The following FKBP11 variants were observed in gnomAD, a reference collection of about 807,000 sequenced individuals.
FKBP11 encodes the protein FKBP prolyl isomerase 11, also known as peptidyl-prolyl cis-trans isomerase FKBP11.
FKBP11 carries 21 observed loss-of-function variants against 24.7 expected under a neutral mutation model. That is an observed-to-expected ratio of 0.85 (90% CI 0.60 to 1.23). The LOEUF (loss-of-function observed/expected upper bound fraction) is 1.23. Ranked by LOEUF, FKBP11 falls within the 50% of genes most tolerant of loss-of-function variation. The pLI is 0.00. For missense variants in FKBP11, 245 were observed against 248.7 expected (o/e 0.99, Z 0.10); for synonymous variants, 106 against 100.6 (o/e 1.05, Z -0.32).
At chr12:48,922,594 A>C in intron 5 of FKBP11, 2 of 998,392 alleles carry the variant, frequency 2.0e-6, no homozygotes, top group South Asian at 8.9e-5. Context: ...TTTAAACTAG[A>C]CTTTAAAAAA....
rs2293448 is a variant in FKBP11, at chr12:48,924,069, T to C, written c.317+154A>G. On this transcript the variant is annotated intron_variant, in intron 4 of 5. Transcript: ENST00000550765. Reference sequence around the variant, plus strand: ...CAACAGCGCAAGAGGCACAGAGGCTTTGAATGCCCTCAGAGGTCCCACTGA... The same window carrying C: ...CAACAGCGCAAGAGGCACAGAGGCTCTGAATGCCCTCAGAGGTCCCACTGA... The C allele has an allele frequency of 6.2e-4, 590 of 951,826 alleles. 5 individuals carry two copies. In the East Asian group the frequency reaches 0.012, roughly 19 times the overall value. 59.0% of individuals were successfully genotyped at this position (951,826 alleles called of 1,614,324 possible).
At position 48,921,999 on chromosome 12, in the gene FKBP11, CTT is replaced by C. The variant is rs746621801; in HGVS notation, c.589_590del (p.Lys197GlufsTer11). The C allele has an allele frequency of 4.4e-6, 7 of 1,596,232 alleles. No individual in the cohort carries two copies. The Admixed American group carries it at 8.7e-5, about 20-fold the overall frequency. On this transcript the variant is annotated frameshift_variant, in exon 6 of 6. Transcript: ENST00000550765. LOFTEE classifies it high-confidence loss of function. ...KKKLKEEKRN[K>X]SKKK ...TTATTATTTATTATTTCTTTTTGCT[CTT>C]GTTTCGTTTCTCTTCCTTGAGCTTC...
chr12:48,923,237 G>T, intron 5 of FKBP11: 3 of 1,321,118 alleles, frequency 2.3e-6, no homozygotes, highest in Non-Finnish European at 9.7e-7. Context: ...GAAAGCAAAA[G>T]ATATGCATCT....
upstream of FKBP11, among the ~76,000 whole-genome samples, chr12:48,926,926 C>T (rs949570176): frequency 2.0e-5 from 3 of 152,144 alleles, no homozygotes; most frequent in Admixed American, 1.3e-4. Flanking sequence ...TCTTTTCTCT[C>T]AGCCTCCCGA....
chr12:48,936,912 A>G, the FKBP11 span: 2 of 152,242 alleles, frequency 1.3e-5, no homozygotes, highest in African/African-American at 2.4e-5. Context: ...GAGGAAACAG[A>G]GCAAATAAAA....
At chr12:48,929,888 G>A (rs1034746241), upstream of FKBP11, among the ~76,000 whole-genome samples, 2 of 152,196 alleles carry the variant, frequency 1.3e-5, no homozygotes, top group East Asian at 1.9e-4. Flanking sequence ...TCCAGGCTAA[G>A]CTCAAATATC....
chr12:48,935,415 G>A, the FKBP11 span, among the ~76,000 whole-genome samples: 1 of 152,116 alleles, frequency 6.6e-6, no homozygotes, highest in Non-Finnish European at 1.5e-5. Flanking sequence ...GAAGACCTCT[G>A]TCCTCAAAGC....
chr12:48,924,675 A>G, intron 2 of FKBP11, 27 bp from the exon 3 acceptor site: 1 of 1,605,180 alleles, frequency 6.2e-7, no homozygotes, highest in Non-Finnish European at 8.5e-7. Flanking sequence ...TCAAGAGCAT[A>G]CATCTAGCAC....
rs1380419118 is a variant in FKBP11, at chr12:48,924,627, T to C, written c.217A>G (p.Ile73Val). ...HYTGSLVDGRIIDTSLTRDPL... is the reference protein window; with the variant it reads ...HYTGSLVDGRVIDTSLTRDPL... Reference sequence around the variant, plus strand: ...TCTCTGGTCAGGGAGGTGTCAATAATACGTCCATCTACCAAGCTTCCCTGG... The same window carrying C: ...TCTCTGGTCAGGGAGGTGTCAATAACACGTCCATCTACCAAGCTTCCCTGG... The change falls in exon 3 of 6, where the codon ATT becomes GTT. Residue 73 changes from isoleucine (I) to valine (V), a missense_variant. Transcript: ENST00000550765. 6.2e-7 allele frequency: 1 copy of C among 1,613,986 alleles called. No homozygotes were observed. The highest frequency in any genetic ancestry group is 1.7e-5 in the Admixed American group (1 of 60,004).
At chr12:48,930,832 T>G (rs1210943081), upstream of FKBP11, among the ~76,000 whole-genome samples, 1 of 151,990 alleles carries the variant, frequency 6.6e-6, no homozygotes, top group Non-Finnish European at 1.5e-5. Flanking sequence ...GAGAGGGAAT[T>G]AAGGGCTAGT....
intron 5 of FKBP11, 100 bp from the exon 6 acceptor site, chr12:48,922,301 C>T (rs1332547545): frequency 1.1e-5 from 12 of 1,089,712 alleles, no homozygotes; most frequent in Non-Finnish European, 1.0e-5. Flanking sequence ...GCAAAGCCAA[C>T]AACTATGAAG....
the FKBP11 span, among the ~76,000 whole-genome samples, chr12:48,932,254 TATATA>T: frequency 9.6e-4 from 35 of 36,546 alleles, no homozygotes; most frequent in African/African-American, 3.5e-3. Context: ...TATATATATA[TATATA>T]TATTTTTTTT....
At chr12:48,923,498 T>G in intron 5 of FKBP11, 1 of 1,550,470 alleles carries the variant, frequency 6.4e-7, no homozygotes, top group Admixed American at 2.0e-5. Context: ...CTGGGAAAGG[T>G]GGTGGCACAG....
the FKBP11 span, chr12:48,938,357 G>C: frequency 1.6e-4 from 71 of 454,306 alleles, no homozygotes; most frequent in African/African-American, 1.2e-3. Context: ...CACCAACACG[G>C]AAGGGGCAGA....
chr12:48,938,577 T>C, the FKBP11 span: 4 of 460,636 alleles, frequency 8.7e-6, no homozygotes, highest in African/African-American at 2.0e-5. Context: ...GAAGGGCTTG[T>C]GGGGACAGGG....
upstream of FKBP11, among the ~76,000 whole-genome samples, chr12:48,930,078 A>G (rs1940028862): frequency 6.6e-6 from 1 of 152,280 alleles, no homozygotes; most frequent in East Asian, 1.9e-4. Context: ...TCTGGAGCTA[A>G]GTACTAGCTA....
chr12:48,938,263 C>A, the FKBP11 span: 3 of 387,592 alleles, frequency 7.7e-6, no homozygotes, highest in Admixed American at 3.0e-5. Flanking sequence ...TCCAGAAAAA[C>A]CTACCTGCAG....
chr12:48,931,205 A>C (rs1233838313), upstream of FKBP11, among the ~76,000 whole-genome samples: 1 of 147,466 alleles, frequency 6.8e-6, no homozygotes, highest in Non-Finnish European at 1.5e-5. Context: ...CAGTGGGAAC[A>C]CATTGCAAGT....
At chr12:48,923,526 C>T (rs1341298651) in intron 5 of FKBP11, 2 of 1,551,222 alleles carry the variant, frequency 1.3e-6, no homozygotes, top group East Asian at 4.9e-5. Context: ...ACCCATGTGG[C>T]CCAAGCAGGT....
Sources: gnomAD v4.1 joint callset for allele counts (sites outside exome capture counted in the v4.1 genomes callset) on GRCh38, gnomAD v4.1.1 for gene constraint, MANE v1.5 for transcripts, NCBI Gene and HGNC (gene_info 2026-07-23, HGNC 2026-07-21) for gene names.